The following OMD variants were observed in gnomAD, a reference collection of about 807,000 sequenced individuals.
OMD encodes the protein osteomodulin.
In OMD, 19 loss-of-function variants were observed where a neutral mutation model predicts 31.2. The observed-to-expected ratio is 0.61, with a 90% CI of 0.42 to 0.89. The LOEUF is 0.89. OMD is among the 40% of genes least tolerant of loss of function. The pLI is 0.00. For missense variants in OMD, 448 were observed against 490.8 expected (o/e 0.91, Z 0.82); for synonymous variants, 155 against 166.4 (o/e 0.93, Z 0.53).
Position 92,414,639 on chromosome 9 carries a change from T to A in OMD, c.*513A>T, listed in dbSNP as rs1843534600. On this transcript the variant is annotated 3_prime_UTR_variant, in exon 3 of 3. Transcript: ENST00000375550. ...TGAGCTAGGGGGATGGATGTCATAA[T>A]GGTGAGATCACAAATACCAGTGTGA... is the stretch of plus-strand genomic sequence containing the variant. 4.8e-6 allele frequency: 1 copy of A among 208,598 alleles called. No individual in the cohort carries two copies. The highest frequency in any genetic ancestry group is 9.7e-6 in the Non-Finnish European group (1 of 102,622). 12.9% of individuals were successfully genotyped at this position (208,598 alleles called of 1,614,324 possible).
chr9:92,417,110 T>A lies in OMD; in HGVS notation c.449A>T (p.His150Leu). 1 of 1,613,768 alleles carries A rather than the reference T, an allele frequency of 6.2e-7. No homozygotes were observed. Among genetic ancestry groups the A allele is most frequent in the Middle Eastern group, 1.7e-4 (1 of 6,060 alleles). Residue 150 changes from histidine to leucine, a missense_variant, in exon 2 of 3, where the codon CAT (histidine) becomes CTT (leucine). Coordinates refer to ENST00000375550, the MANE Select transcript of OMD (RefSeq NM_005014.3). ...AAATGGAAATTCTTCTAAATTATTA[T>A]GCTCTAGATGAAGTTGTAGTAGATT... ...LPNLLQLHLE[H>L]NNLEEFPFPL...
intron 1 of OMD, among the ~76,000 whole-genome samples, 176 bp from the exon 2 acceptor site, chr9:92,417,750 C>T (rs1843662836): frequency 6.6e-6 from 1 of 152,126 alleles, no homozygotes; most frequent in East Asian, 1.9e-4. Context: ...GACAGTGTCT[C>T]CTCTGTCACC....
Position 92,417,093 on chromosome 9 carries a change from A to G in OMD, c.466T>C (p.Phe156Leu). Reference protein sequence around the residue: ...LHLEHNNLEEFPFPLPKSLER... With the variant: ...LHLEHNNLEELPFPLPKSLER... ...AGAGATTTAGGAAGAGGAAATGGAA[A>G]TTCTTCTAAATTATTATGCTCTAGA... is the stretch of plus-strand genomic sequence containing the variant. The change falls in exon 2 of 3, where the codon TTT becomes CTT. Residue 156 changes from phenylalanine to leucine, a missense_variant. By Grantham distance (22) the Phe-to-Leu change is conservative. Transcript: ENST00000375550. 6.2e-7 allele frequency: 1 copy of G among 1,613,744 alleles called. No individual in the cohort carries two copies. Among genetic ancestry groups the G allele is most frequent in the Non-Finnish European group, 8.5e-7 (1 of 1,179,768 alleles).
intron 1 of OMD, among the ~76,000 whole-genome samples, chr9:92,423,513 A>G (rs181816026): frequency 1.1e-4 from 16 of 152,302 alleles, no homozygotes; most frequent in Admixed American, 8.5e-4. Context: ...GAAAGCAAAT[A>G]TTAGCATATA....
In OMD at chr9:92,414,121, A is replaced by G. The variant is rs1843519712; in HGVS notation, c.*1031T>C. The G allele has an allele frequency of 1.2e-5, 2 of 165,686 alleles. No individual in the cohort carries two copies. Among genetic ancestry groups the G allele is most frequent in the South Asian group, 4.0e-4 (2 of 4,958 alleles). 10.3% of individuals were successfully genotyped at this position (165,686 alleles called of 1,614,324 possible). On this transcript the variant is annotated 3_prime_UTR_variant, in exon 3 of 3. Coordinates refer to ENST00000375550, the MANE Select transcript of OMD (RefSeq NM_005014.3). ...GTAAGGCACACTTACAATACTTAAA[A>G]ATAATACATTAACGAAAAAGTGATT...
intron 1 of OMD, among the ~76,000 whole-genome samples, chr9:92,422,091 C>T (rs1843820121): frequency 6.6e-6 from 1 of 151,628 alleles, no homozygotes; most frequent in African/African-American, 2.4e-5. Context: ...CGTGCTGTCA[C>T]CCAGGCTGGA....
In OMD at chr9:92,412,690, C is replaced by T. The variant is rs1843477282; in HGVS notation, c.*2462G>A. On this transcript the variant is annotated 3_prime_UTR_variant, in exon 3 of 3. Coordinates refer to ENST00000375550, the MANE Select transcript of OMD (RefSeq NM_005014.3). ...CATGTTGTAGCATATGTCAGTGCTT[C>T]GTTACTTTTTATTGCTGAATAATAT... 6.6e-6 allele frequency among the ~76,000 whole-genome samples: 1 copy of T among 152,126 alleles called. No individual in the cohort carries two copies. Among genetic ancestry groups the T allele is most frequent in the Admixed American group, 6.6e-5 (1 of 15,260 alleles).
At chr9:92,421,864 T>C (rs1843808151) in intron 1 of OMD, among the ~76,000 whole-genome samples, 1 of 152,112 alleles carries the variant, frequency 6.6e-6, no homozygotes, top group Admixed American at 6.6e-5. Flanking sequence ...AGATAGGCAA[T>C]GCTGTGGGGC....
In OMD at chr9:92,413,296, T is replaced by C. The variant is rs1451090748; in HGVS notation, c.*1856A>G. ...GCTAATGCGCCCGACTATATGTAAC[T>C]AACTTTTTAAGGAACTTCCATACTG... On this transcript the variant is annotated 3_prime_UTR_variant, in exon 3 of 3. Transcript: ENST00000375550. Among the ~76,000 whole-genome samples, 1 of 152,152 alleles carries C rather than the reference T, an allele frequency of 6.6e-6. No homozygotes were observed. The highest frequency in any genetic ancestry group is 1.5e-5 in the Non-Finnish European group (1 of 68,032).
In OMD at chr9:92,415,411, C is replaced by T. The variant is rs372233789; in HGVS notation, c.1007G>A (p.Arg336His). Residue 336 changes from arginine (R) to histidine (H), a missense_variant, in exon 3 of 3, where the codon CGT becomes CAT. Coordinates refer to ENST00000375550, the MANE Select transcript of OMD (RefSeq NM_005014.3). ...PLHYHHLTYI[R>H]VDQNKLKEPI... ...TTCTTTTAGTTTATTTTGGTCCACA[C>T]GAATGTATGTTAAATGGTGGTAATG... is the stretch of plus-strand genomic sequence containing the variant. 143 of 1,613,396 alleles carry T rather than the reference C, an allele frequency of 8.9e-5. 3 individuals are homozygous for T. The South Asian group carries it at 9.8e-4, about 11-fold the overall frequency.
rs749971672 is a variant in OMD at position 92,413,990 on chromosome 9, G to T, written c.*1162C>A. Among the ~76,000 whole-genome samples, 2 of 152,134 alleles carry T rather than the reference G, an allele frequency of 1.3e-5. No homozygotes were observed. Among genetic ancestry groups the T allele is most frequent in the Non-Finnish European group, 2.9e-5 (2 of 68,032 alleles). On this transcript the variant is annotated 3_prime_UTR_variant, in exon 3 of 3. Transcript: ENST00000375550. The stretch of plus-strand genomic sequence containing the variant: ...CATATTGTCAGAATTGTTATCATTT[G>T]TATAGGCAGCCCTAGATTGGTATTT...
rs946061323 is a variant in OMD, at chr9:92,415,212, G to A, written c.1206C>T (p.Ser402=). The A allele has an allele frequency of 1.2e-6, 2 of 1,613,596 alleles. No individual in the cohort carries two copies. Among genetic ancestry groups the A allele is most frequent in the East Asian group, 2.2e-5 (1 of 44,832 alleles). ...DHDDPDNAHE[S]PEQEGAEGHF... is the part of the protein sequence containing the mutation. ...GCCCTTCTGCTCCTTCTTGTTCTGG[G>A]CTCTCATGAGCATTGTCAGGATCAT... The change falls in exon 3 of 3, where the codon AGC becomes AGT. Residue 402 remains serine, a synonymous_variant. Coordinates refer to ENST00000375550, the MANE Select transcript of OMD (RefSeq NM_005014.3).
rs760850750 is a variant in OMD, at chr9:92,415,322, G to A, written c.1096C>T (p.Arg366Ter). The part of the protein sequence containing the change: ...HIHTIYYGEQ[R>*]STNGQTIQLK... ...TGTATTGTTTGACCATTAGTGCTTC[G>A]TTGTTCACCATAATAAATAGTGTGT... is the stretch of plus-strand genomic sequence containing the variant. Residue 366 changes from arginine (R) to a stop codon, truncating the protein, a stop_gained, in exon 3 of 3, where the codon CGA becomes TGA. Transcript: ENST00000375550. LOFTEE classifies it high-confidence loss of function. The A allele has an allele frequency of 1.5e-5, 24 of 1,613,402 alleles. No homozygotes were observed. Among genetic ancestry groups the A allele is most frequent in the African/African-American group, 2.7e-5 (2 of 74,844 alleles).
chr9:92,416,814 G>C lies in OMD; in HGVS notation c.745C>G (p.Pro249Ala). The change falls in exon 2 of 3, where the codon CCC (proline) becomes GCC (alanine). Residue 249 changes from proline to alanine, a missense_variant. Pro to Ala is a conservative substitution (Grantham distance 27). Coordinates refer to ENST00000375550, the MANE Select transcript of OMD (RefSeq NM_005014.3). ...SLENNSISSI[P>A]EKYFDKLPKL... ...GGAAGTTTGTCGAAGTATTTTTCGG[G>C]TATAGAAGAAATTGAATTATTTTCT... 1 of 1,613,810 alleles carries C rather than the reference G, an allele frequency of 6.2e-7. No individual in the cohort carries two copies. Among genetic ancestry groups the C allele is most frequent in the Non-Finnish European group, 8.5e-7 (1 of 1,179,824 alleles).
chr9:92,417,901 A>AT (rs1322341239), intron 1 of OMD, among the ~76,000 whole-genome samples: 1 of 151,150 alleles, frequency 6.6e-6, no homozygotes, highest in Non-Finnish European at 1.5e-5. Context: ...TTATTTTTGT[A>AT]TTTTTTAGTA....
chr9:92,418,117 TGCCTTGTCA>T (rs1285334490), intron 1 of OMD, among the ~76,000 whole-genome samples: 1 of 151,952 alleles, frequency 6.6e-6, no homozygotes, highest in Admixed American at 6.6e-5. Context: ...GATGGAGTCT[TGCCTTGTCA>T]CCCAGGGTGG....
At chr9:92,418,818 A>G (rs1337863482) in intron 1 of OMD, among the ~76,000 whole-genome samples, 4 of 152,192 alleles carry the variant, frequency 2.6e-5, no homozygotes, top group Non-Finnish European at 5.9e-5. Context: ...AATTTTCCTC[A>G]TGAAACAGTT....
At chr9:92,420,769 A>G (rs1460320749) in intron 1 of OMD, among the ~76,000 whole-genome samples, 1 of 151,914 alleles carries the variant, frequency 6.6e-6, no homozygotes. Flanking sequence ...TTTTTTTTTA[A>G]CAATATGTGC....
chr9:92,421,494 A>T (rs1843793003), intron 1 of OMD, among the ~76,000 whole-genome samples: 1 of 152,206 alleles, frequency 6.6e-6, no homozygotes, highest in Non-Finnish European at 1.5e-5. Flanking sequence ...TTAAGGAGTT[A>T]TGGTATCATA....
Sources: gnomAD v4.1 joint callset for allele counts (sites outside exome capture counted in the v4.1 genomes callset) on GRCh38, gnomAD v4.1.1 for gene constraint, MANE v1.5 for transcripts, NCBI Gene and HGNC (gene_info 2026-07-23, HGNC 2026-07-21) for gene names.